Variants in RPN2 observed in about 807,000 individuals in gnomAD.
RPN2 encodes ribophorin II, also known as dolichyl-diphosphooligosaccharide--protein glycosyltransferase subunit 2.
RPN2 carries 29 observed loss-of-function variants against 71.4 expected under a neutral mutation model. The ratio of observed to expected loss-of-function variants is 0.41; its 90% CI spans 0.30 to 0.55. The LOEUF is 0.55. Among genes scored for constraint, RPN2 ranks in the 20% least tolerant of loss-of-function variants. The probability of loss-of-function intolerance (pLI) is 0.35; values close to 1 mark genes in which losing one functional copy is unlikely to be tolerated. For missense variants in RPN2, 726 were observed against 774.1 expected (o/e 0.94, Z 0.74); for synonymous variants, 308 against 305.0 (o/e 1.01, Z -0.10).
At chr20:37,198,697 C>CT (rs968832957) in intron 3 of RPN2, among the ~76,000 whole-genome samples, 33 of 151,260 alleles carry the variant, frequency 2.2e-4, no homozygotes, top group African/African-American at 7.5e-4. Flanking sequence ...TTTAAATAAC[C>CT]TTTTTGTACA....
chr20:37,221,195 CTT>C (rs1176292055), intron 9 of RPN2, among the ~76,000 whole-genome samples: 26 of 135,186 alleles, frequency 1.9e-4, no homozygotes, highest in Admixed American at 2.2e-4. Context: ...TTACACAATT[CTT>C]TTTTTTTTTT....
In RPN2 at chr20:37,225,846, T is replaced by A. The variant is rs532250172; in HGVS notation, c.1299+44T>A. 24 of 1,265,566 alleles carry A rather than the reference T, an allele frequency of 1.9e-5. No homozygotes were observed. In the African/African-American group the frequency reaches 3.5e-4, roughly 19 times the overall value. The allele number at this position is 1,265,566 out of a possible 1,614,324, so 78.4% of individuals were successfully genotyped here. A position where few individuals can be genotyped will look rare whatever the true frequency, so the allele number is the denominator to read the frequency against. ...CAGTTCTCTTAACCTGAAATGTGAATGGATACTAGAGTTTACAATGTGGTC... is the reference window on the plus strand; with the variant it reads ...CAGTTCTCTTAACCTGAAATGTGAAAGGATACTAGAGTTTACAATGTGGTC... On this transcript the variant is annotated intron_variant, in intron 11 of 16. Transcript: ENST00000237530.
At chr20:37,194,059 C>T (rs1406751414) in intron 2 of RPN2, among the ~76,000 whole-genome samples, 2 of 152,128 alleles carry the variant, frequency 1.3e-5, no homozygotes, top group East Asian at 1.9e-4. Flanking sequence ...CCAGTGAGGA[C>T]GTGATCGGTC....
chr20:37,206,867 C>G (rs1446395561), intron 6 of RPN2, among the ~76,000 whole-genome samples: 1 of 152,014 alleles, frequency 6.6e-6, no homozygotes, highest in Non-Finnish European at 1.5e-5. Flanking sequence ...TGCCACCATG[C>G]CTGACTAATT....
In RPN2 at chr20:37,201,817, G is replaced by A. The variant is rs1273121538; in HGVS notation, c.480-2068G>A. 3.3e-5 allele frequency among the ~76,000 whole-genome samples: 5 copies of A among 152,264 alleles called. No homozygotes were observed. The East Asian group carries it at 7.7e-4, about 23-fold the overall frequency. ...GAATGGGCCTTCTATATTTAAATGGGCTTTTTCTAGGAAGTGTATATTTGT... is the reference window on the plus strand; with the variant it reads ...GAATGGGCCTTCTATATTTAAATGGACTTTTTCTAGGAAGTGTATATTTGT... On this transcript the variant is annotated intron_variant, in intron 4 of 16. Transcript: ENST00000237530.
chr20:37,183,481 G>C (rs961304713), intron 1 of RPN2, among the ~76,000 whole-genome samples: 5 of 152,202 alleles, frequency 3.3e-5, no homozygotes, highest in African/African-American at 1.2e-4. Context: ...GCCTCCCAAA[G>C]TGCTGGCCCG....
intron 15 of RPN2, among the ~76,000 whole-genome samples, chr20:37,236,100 T>TGTGTGTGTGGGG (rs1232771325): frequency 1.3e-5 from 2 of 151,666 alleles, no homozygotes; most frequent in Non-Finnish European, 2.9e-5. Context: ...TGTTTGTGGG[T>TGTGTGTGTGGGG]GTGTGTGTGT....
intron 11 of RPN2, 79 bp downstream of exon 11, chr20:37,225,881 G>A (rs2068063514): frequency 3.1e-6 from 3 of 980,334 alleles, no homozygotes; most frequent in South Asian, 1.3e-5. Flanking sequence ...CTATAACATG[G>A]ACTAGAGAGA....
rs189890629 is a variant in RPN2 at position 37,211,064 on chromosome 20, T to G, written c.986+899T>G. Among the ~76,000 whole-genome samples, 741 of 151,756 alleles carry G rather than the reference T, an allele frequency of 4.9e-3. 8 individuals are homozygous for G. The highest frequency in any genetic ancestry group is 0.017 in the African/African-American group (705 of 41,484). ...TCTATTTATTTTTTGAGATGGAGTC[T>G]TCCTCTGTCACCCAGGCTGGAGTGC... On this transcript the variant is annotated intron_variant, in intron 8 of 16. Transcript: ENST00000237530.
At chr20:37,219,412 C>T (rs974087589) in intron 9 of RPN2, among the ~76,000 whole-genome samples, 1 of 151,794 alleles carries the variant, frequency 6.6e-6, no homozygotes, top group Non-Finnish European at 1.5e-5. Flanking sequence ...CCTCTTATTT[C>T]CTTTTATTTA....
intron 1 of RPN2, among the ~76,000 whole-genome samples, chr20:37,180,604 G>C (rs1186222038): frequency 6.6e-6 from 1 of 152,062 alleles, no homozygotes; most frequent in Non-Finnish European, 1.5e-5. Context: ...TTCATATATT[G>C]GGTACCCGCC....
intron 9 of RPN2, among the ~76,000 whole-genome samples, chr20:37,214,117 C>T (rs2067747705): frequency 6.6e-6 from 1 of 152,180 alleles, no homozygotes; most frequent in African/African-American, 2.4e-5. Flanking sequence ...TTTAGCATTA[C>T]TGTCTTACAT....
At chr20:37,226,070 A>G (rs190431732) in intron 11 of RPN2, among the ~76,000 whole-genome samples, 18 of 152,206 alleles carry the variant, frequency 1.2e-4, no homozygotes, top group Non-Finnish European at 1.5e-5. Flanking sequence ...AATTAAGGTC[A>G]TTCCTTCCTC....
intron 6 of RPN2, among the ~76,000 whole-genome samples, chr20:37,206,772 G>A (rs908565839): frequency 7.2e-5 from 11 of 151,918 alleles, no homozygotes; most frequent in Non-Finnish European, 7.4e-5. Context: ...GCAGTGGCGC[G>A]ATCTTGGCTC....
intron 15 of RPN2, among the ~76,000 whole-genome samples, chr20:37,236,042 T>G (rs1534969): frequency 0.77 from 117,399 of 151,984 alleles, 45,802 homozygotes; most frequent in Middle Eastern, 0.9. Context: ...AGAGAAATAG[T>G]TGTAAGCAGG....
At chr20:37,230,120 C>T in intron 13 of RPN2, 61 bp downstream of exon 13, 2 of 1,232,860 alleles carry the variant, frequency 1.6e-6, no homozygotes, top group Non-Finnish European at 2.4e-6. Context: ...AAGCCCTGGA[C>T]AGTGGCTCTG....
At chr20:37,213,593 A>T (rs78975785) in intron 8 of RPN2, among the ~76,000 whole-genome samples, 167 bp from the exon 9 acceptor site, 1 of 149,100 alleles carries the variant, frequency 6.7e-6, no homozygotes, top group African/African-American at 2.5e-5. Context: ...GTCTCAAAAT[A>T]AAAAAAAAAT....
At chr20:37,181,062 C>G (rs1327561222) in intron 1 of RPN2, among the ~76,000 whole-genome samples, 3 of 152,050 alleles carry the variant, frequency 2.0e-5, no homozygotes, top group African/African-American at 4.8e-5. Context: ...AACCCCGTCT[C>G]TACTAAAAAG....
intron 2 of RPN2, among the ~76,000 whole-genome samples, chr20:37,188,918 CA>C (rs2067076113): frequency 6.6e-6 from 1 of 151,822 alleles, no homozygotes; most frequent in South Asian, 2.1e-4. Flanking sequence ...CCACTGTGCC[CA>C]GCCTCCAATT....
Sources: gnomAD v4.1 joint callset for allele counts (sites outside exome capture counted in the v4.1 genomes callset) on GRCh38, gnomAD v4.1.1 for gene constraint, MANE v1.5 for transcripts, NCBI Gene and HGNC (gene_info 2026-07-23, HGNC 2026-07-21) for gene names.